Variants in SRCIN1 observed in about 807,000 individuals in gnomAD.
SRCIN1 encodes P130Cas-associated protein.
In SRCIN1, 50 loss-of-function variants were observed where a neutral mutation model predicts 116.2. The observed-to-expected ratio is 0.43, with a 90% CI of 0.34 to 0.54. SRCIN1 has a LOEUF of 0.54. Among genes scored for constraint, SRCIN1 ranks in the 20% least tolerant of loss-of-function variants. The probability of loss-of-function intolerance (pLI) is 0.02; values close to 1 mark genes in which losing one functional copy is unlikely to be tolerated. For synonymous variants in SRCIN1, 736 were observed against 750.0 expected (o/e 0.98, Z 0.30); for missense variants, 1,446 against 1,672.0 (o/e 0.86, Z 2.36).
Position 38,595,623 on chromosome 17 carries a change from G to T in SRCIN1, c.22+10061C>A, listed in dbSNP as rs181052331. On this transcript the variant is annotated intron_variant, in intron 1 of 18. Transcript: ENST00000617146. ...ATGTGACTGTAAGCTAAACAAAATG[G>T]TCCCATCTTCTCCCATCCCCCACCC... Among the ~76,000 whole-genome samples the T allele has an allele frequency of 3.9e-5, 6 of 152,294 alleles. No homozygotes were observed. In the East Asian group the frequency reaches 7.7e-4, roughly 20 times the overall value.
rs1332286071 is a variant in SRCIN1, at chr17:38,561,905, A to G, written c.1258T>C (p.Tyr420His). The change falls in exon 7 of 19, where the codon TAC becomes CAC. Residue 420 changes from tyrosine to histidine, a missense_variant. Tyr to His is a moderately conservative substitution (Grantham distance 83). Coordinates refer to ENST00000617146, the MANE Select transcript of SRCIN1 (RefSeq NM_025248.3). The stretch of plus-strand genomic sequence containing the variant: ...TTGTAGAGGCCGCCGGCGCCCGGGT[A>G]GGCGAACGGGTCGCCGGCGGCCGCG... The part of the protein sequence containing the change: ...LAAAAGDPFA[Y>H]PGAGGLYKRG... 7.1e-6 allele frequency: 10 copies of G among 1,403,906 alleles called. No homozygotes were observed. Among genetic ancestry groups the G allele is most frequent in the Non-Finnish European group, 8.3e-6 (9 of 1,089,970 alleles). 87.0% of individuals were successfully genotyped at this position (1,403,906 alleles called of 1,614,324 possible).
chr17:38,551,286 G>A lies in SRCIN1; in HGVS notation c.2831C>T (p.Ala944Val), dbSNP rs775408511. 4.3e-6 allele frequency: 7 copies of A among 1,613,694 alleles called. No individual in the cohort carries two copies. In the South Asian group the frequency reaches 5.5e-5, roughly 13 times the overall value. Reference protein sequence around the residue: ...LEETQAELLKAIPDLDCASKA... With the variant: ...LEETQAELLKVIPDLDCASKA... ...GCTGGCACAGTCCAGGTCAGGGATG[G>A]CCTTGAGCAGCTCTGCCTGTGTCTC... The change falls in exon 15 of 19, where the codon GCC (alanine) becomes GTC (valine). Residue 944 changes from alanine to valine, a missense_variant. By Grantham distance (64) the Ala-to-Val change is moderately conservative (BLOSUM62 0). Transcript: ENST00000617146.
rs1367338520 is a variant in SRCIN1, at chr17:38,544,290, C to T, written c.3271-321G>A. 1.3e-5 allele frequency among the ~76,000 whole-genome samples: 2 copies of T among 152,088 alleles called. No homozygotes were observed. Among genetic ancestry groups the T allele is most frequent in the Non-Finnish European group, 1.5e-5 (1 of 67,978 alleles). On this transcript the variant is annotated intron_variant, in intron 17 of 18. Transcript: ENST00000617146. The surrounding 1 kb of genome is among the most constrained non-coding windows in gnomAD (Gnocchi z 4.5). ...GGGGAGCCTCTGCTAAAGTGAGGGT[C>T]CCCAGCAGCAACCCCACTCCCGGCA...
rs1163571219 is a variant in SRCIN1 at position 38,559,766 on chromosome 17, C to T, written c.1844G>A (p.Gly615Glu). Residue 615 changes from glycine (G) to glutamate (E), a missense_variant, in exon 10 of 19, where the codon GGG (glycine) becomes GAG (glutamate). Gly to Glu is a moderately conservative substitution (Grantham distance 98). This residue lies in a region of SRCIN1 where 398 missense variants were observed against 385.6 expected (regional missense o/e 1.03). Transcript: ENST00000617146. ...NGAATPSAPC[G>E]SGGRSSGATP... Reference sequence around the variant, plus strand: ...GGCCCCGCTGCTCCGGCCGCCTGACCCACAGGCTGCAGAGGACCACGAGGA... The same window carrying T: ...GGCCCCGCTGCTCCGGCCGCCTGACTCACAGGCTGCAGAGGACCACGAGGA... 4 of 1,514,812 alleles carry T rather than the reference C, an allele frequency of 2.6e-6. No homozygotes were observed. The highest frequency in any genetic ancestry group is 3.5e-6 in the Non-Finnish European group (4 of 1,140,348). The allele number at this position is 1,514,812 out of a possible 1,614,324, so 93.8% of individuals were successfully genotyped here.
At chr17:38,559,536 C>T (rs750406710) in intron 10 of SRCIN1, 49 bp downstream of exon 10, 2 of 1,571,398 alleles carry the variant, frequency 1.3e-6, no homozygotes, top group Non-Finnish European at 1.7e-6. Flanking sequence ...CAAGGGACTT[C>T]TACCAGTAGG....
Position 38,564,191 on chromosome 17 carries a change from G to A in SRCIN1, c.468C>T (p.Phe156=), listed in dbSNP as rs1268151906. 2 of 1,592,386 alleles carry A rather than the reference G, an allele frequency of 1.3e-6. No homozygotes were observed. Among genetic ancestry groups the A allele is most frequent in the East Asian group, 2.3e-5 (1 of 43,786 alleles). Residue 156 remains phenylalanine (F), a synonymous_variant, in exon 4 of 19, where the codon TTC becomes TTT. Coordinates refer to ENST00000617146, the MANE Select transcript of SRCIN1 (RefSeq NM_025248.3). ...TMSEAELPLG[F]SRMNRFRQSL... The stretch of plus-strand genomic sequence containing the variant: ...TCTGTCGGAAGCGGTTCATCCTGCT[G>A]AAGCCCAGGGGCAGCTCGGCCTCCG...
intron 1 of SRCIN1, among the ~76,000 whole-genome samples, chr17:38,591,030 A>G (rs1406385203): frequency 1.3e-5 from 2 of 152,200 alleles, no homozygotes; most frequent in African/African-American, 2.4e-5. Flanking sequence ...TTAGGCTGGA[A>G]GTGGGGGTCC....
chr17:38,578,403 C>T (rs1907549826), intron 2 of SRCIN1, 87 bp downstream of exon 2: 2 of 1,433,240 alleles, frequency 1.4e-6, no homozygotes, highest in Non-Finnish European at 1.8e-6. Flanking sequence ...TTGGAATGAG[C>T]CTGGGGACAC....
At chr17:38,583,709 T>G (rs139031457) in intron 1 of SRCIN1, among the ~76,000 whole-genome samples, 81 of 152,128 alleles carry the variant, frequency 5.3e-4, no homozygotes, top group South Asian at 3.5e-3. Context: ...CCCACAACCA[T>G]GCCCAGCTAA....
intron 7 of SRCIN1, among the ~76,000 whole-genome samples, chr17:38,561,217 C>T (rs1906214023): frequency 6.6e-6 from 1 of 152,180 alleles, no homozygotes; most frequent in Admixed American, 6.5e-5. Flanking sequence ...CCAGAGTCCT[C>T]GTCTGGGGAC....
chr17:38,560,059 G>A lies in SRCIN1; in HGVS notation c.1832C>T (p.Ser611Leu), dbSNP rs371327442. The A allele has an allele frequency of 5.8e-6, 9 of 1,558,000 alleles. No individual in the cohort carries two copies. The highest frequency in any genetic ancestry group is 5.5e-5 in the African/African-American group (4 of 73,324). Residue 611 changes from serine (S) to leucine (L), a missense_variant, in exon 9 of 19, where the codon TCA becomes TTA. Ser to Leu is a moderately radical substitution (Grantham distance 145, BLOSUM62 -2). This residue lies in a region of SRCIN1 where 398 missense variants were observed against 385.6 expected (regional missense o/e 1.03). Transcript: ENST00000617146. ...GGAGGGGGAGGTTCACTCACGTGCT[G>A]AGGGGGTGGCTGCTCCATTGGAGCC... ...IEGSNGAATP[S>L]APCGSGGRSS... is the part of the protein sequence containing the mutation.
intron 1 of SRCIN1, among the ~76,000 whole-genome samples, chr17:38,586,707 G>T (rs1020796660): frequency 6.6e-6 from 1 of 152,248 alleles, no homozygotes; most frequent in Non-Finnish European, 1.5e-5. Context: ...GGGAGCAGAG[G>T]TGATGCAAAG....
At chr17:38,548,962 G>A (rs1905229384) in intron 16 of SRCIN1, 94 bp downstream of exon 16, 7 of 1,387,346 alleles carry the variant, frequency 5.0e-6, no homozygotes, top group South Asian at 1.4e-5. Context: ...TCTGAGAAAG[G>A]GGTCTCTTTC....
chr17:38,589,671 C>T lies in SRCIN1; in HGVS notation c.23-10880G>A, dbSNP rs148350878. ...ATTCCACCTCTGTAGGTGCTCAGCG[C>T]CTCCACCAGGGCGAGGGGGCCGGAG... On this transcript the variant is annotated intron_variant, in intron 1 of 18. Transcript: ENST00000617146. Among the ~76,000 whole-genome samples, 306 of 152,320 alleles carry T rather than the reference C, an allele frequency of 2.0e-3. 1 individual carries two copies. The highest frequency in any genetic ancestry group is 7.5e-3 in the Admixed American group (114 of 15,302).
At chr17:38,580,783 C>A (rs1351963440) in intron 1 of SRCIN1, among the ~76,000 whole-genome samples, 5 of 152,226 alleles carry the variant, frequency 3.3e-5, no homozygotes, top group Non-Finnish European at 7.3e-5. Flanking sequence ...GGTCCAAATA[C>A]ATGAGAGATG....
intron 11 of SRCIN1, among the ~76,000 whole-genome samples, chr17:38,555,714 T>A (rs1269844296): frequency 6.6e-6 from 1 of 152,348 alleles, no homozygotes; most frequent in South Asian, 2.1e-4. Flanking sequence ...CATCTCATTT[T>A]CACACTAGAC....
chr17:38,582,938 G>A (rs1220476680), intron 1 of SRCIN1, among the ~76,000 whole-genome samples: 2 of 152,148 alleles, frequency 1.3e-5, no homozygotes, highest in East Asian at 3.9e-4. Context: ...CCTCCTGGGG[G>A]GGCTCTGAAG....
intron 17 of SRCIN1, among the ~76,000 whole-genome samples, chr17:38,547,570 G>A (rs1400287331): frequency 2.6e-5 from 4 of 152,164 alleles, no homozygotes; most frequent in African/African-American, 9.7e-5. Context: ...CGGGGAGGAA[G>A]GGTTATGCGC....
chr17:38,562,941 G>A lies in SRCIN1; in HGVS notation c.741-21C>T, dbSNP rs751267469. 6.3e-7 allele frequency: 1 copy of A among 1,588,210 alleles called. No homozygotes were observed. The highest frequency in any genetic ancestry group is 8.6e-7 in the Non-Finnish European group (1 of 1,158,592). On this transcript the variant is annotated intron_variant, in intron 5 of 18. Coordinates refer to ENST00000617146, the MANE Select transcript of SRCIN1 (RefSeq NM_025248.3). This position sits in a 1 kb window ranked among gnomAD's most constrained non-coding sequence, Gnocchi z 4.2. ...TGTCCCTGGGAGAGGCGGGGAGACG[G>A]GGGTCACCACCCATCCCCCAGCTGT...
Sources: gnomAD v4.1 joint callset for allele counts (sites outside exome capture counted in the v4.1 genomes callset) on GRCh38, gnomAD v4.1.1 for gene constraint, gnomAD v4.1.1 regional missense constraint, Gnocchi (gnomAD v3.1) non-coding constraint, MANE v1.5 for transcripts, NCBI Gene and HGNC (gene_info 2026-07-23, HGNC 2026-07-21) for gene names.